The following PPFIBP2 variants were observed in gnomAD, a reference collection of about 807,000 sequenced individuals.
The protein encoded by PPFIBP2 is PPFIB scaffold protein 2, also known as liprin-beta-2.
PPFIBP2 carries 118 observed loss-of-function variants against 118.3 expected under a neutral mutation model. That is an observed-to-expected ratio of 1.00 (90% CI 0.86 to 1.16). The LOEUF (loss-of-function observed/expected upper bound fraction) is 1.16, where lower values mean the gene tolerates loss of function less well. PPFIBP2 is among the 50% of genes most tolerant of loss of function. The pLI is 0.00. For missense variants in PPFIBP2, 1,195 were observed against 1,073.1 expected, an observed-to-expected ratio of 1.11 and a Z score of -1.59; for synonymous variants, 414 against 397.4, an observed-to-expected ratio of 1.04 and a Z score of -0.50.
At chr11:7,548,261 A>G (rs558625830) in intron 1 of PPFIBP2, 1 of 152,334 alleles carries the variant, frequency 6.6e-6, no homozygotes, top group African/African-American at 2.4e-5. Flanking sequence ...CTTGGTCTTG[A>G]GATCCTTATC....
intron 16 of PPFIBP2, 178 bp from the exon 17 acceptor site, chr11:7,642,120 T>C: frequency 1.4e-6 from 1 of 696,562 alleles, no homozygotes; most frequent in Non-Finnish European, 2.3e-6. Flanking sequence ...GAATTGAGGC[T>C]TGAGTCTGGC....
intron 3 of PPFIBP2, among the ~76,000 whole-genome samples, chr11:7,585,644 C>T (rs1858022764): frequency 6.6e-6 from 1 of 152,224 alleles, no homozygotes; most frequent in African/African-American, 2.4e-5. Context: ...GGACCCCAGC[C>T]ATGGCATCAA....
intron 15 of PPFIBP2, chr11:7,641,110 G>A (rs1295124110): frequency 1.6e-6 from 2 of 1,232,388 alleles, no homozygotes; most frequent in Non-Finnish European, 2.1e-6. Context: ...GAATGCCTTT[G>A]TTTCCCTACC....
downstream of PPFIBP2, among the ~76,000 whole-genome samples, chr11:7,657,343 C>T (rs1022845537): frequency 2.3e-4 from 35 of 152,176 alleles, no homozygotes; most frequent in South Asian, 1.0e-3. Context: ...GGTAAAGCAA[C>T]GAGGCTCCTT....
At chr11:7,608,628 G>A (rs1016171694) in intron 5 of PPFIBP2, among the ~76,000 whole-genome samples, 45 of 152,014 alleles carry the variant, frequency 3.0e-4, no homozygotes, top group Admixed American at 2.8e-3. Flanking sequence ...CAAAAAGAGC[G>A]AAACGCTGTC....
chr11:7,549,639 T>C, intron 2 of PPFIBP2, 100 bp downstream of exon 2: 1 of 1,171,678 alleles, frequency 8.5e-7, no homozygotes, highest in South Asian at 1.7e-5. Context: ...ATAGAGAAAA[T>C]CCCCTTTTGT....
At chr11:7,623,850 C>G (rs2135665217) in intron 7 of PPFIBP2, among the ~76,000 whole-genome samples, 1 of 152,292 alleles carries the variant, frequency 6.6e-6, no homozygotes, top group South Asian at 2.1e-4. Context: ...AGTCCCAAAG[C>G]TAATATCTTC....
rs149640843 is a variant in PPFIBP2 at position 7,586,599 on chromosome 11, A to T, written c.280-6533A>T. Among the ~76,000 whole-genome samples, 876 of 152,326 alleles carry T rather than the reference A, an allele frequency of 5.8e-3. 12 individuals carry two copies. The highest frequency in any genetic ancestry group is 0.052 in the South Asian group (252 of 4,822). ...GTGAAGCATGATTTTTTCTATTGAA[A>T]GGATGGAAAGCCTGAGATGAGGTAA... On this transcript the variant is annotated intron_variant, in intron 3 of 23. Transcript: ENST00000299492.
intron 12 of PPFIBP2, 85 bp from the exon 13 acceptor site, chr11:7,634,410 G>C (rs779555415): frequency 2.8e-6 from 3 of 1,076,888 alleles, no homozygotes; most frequent in African/African-American, 1.5e-5. Context: ...CAAGACCATC[G>C]GTTAAGCATT....
chr11:7,639,847 C>G lies in PPFIBP2; in HGVS notation c.1352C>G (p.Thr451Arg), dbSNP rs189861226. 1 of 1,614,008 alleles carries G rather than the reference C, an allele frequency of 6.2e-7. No individual in the cohort carries two copies. The highest frequency in any genetic ancestry group is 8.5e-7 in the Non-Finnish European group (1 of 1,180,026). The change falls in exon 15 of 24, where the codon ACG (threonine) becomes AGG (arginine). Residue 451 changes from threonine to arginine, a missense_variant. Transcript: ENST00000299492. ...CCCACCATCTGCCAGCCTGACGCCA[C>G]GGGGAGCAGCCTGCTGAGGCTGAGT... ...SPPTICQPDA[T>R]GSSLLRLRDT...
intron 1 of PPFIBP2, among the ~76,000 whole-genome samples, chr11:7,519,996 T>G (rs1849597643): frequency 6.6e-6 from 1 of 152,204 alleles, no homozygotes; most frequent in Admixed American, 6.5e-5. Flanking sequence ...TGCTGTGGCC[T>G]GCTTTCCAGC....
At chr11:7,618,319 T>C (rs1848923685) in intron 6 of PPFIBP2, among the ~76,000 whole-genome samples, 1 of 152,296 alleles carries the variant, frequency 6.6e-6, no homozygotes, top group East Asian at 1.9e-4. Context: ...AGGAAAAACG[T>C]GTGTGTACTA....
chr11:7,615,293 G>A (rs1848499787), intron 6 of PPFIBP2, among the ~76,000 whole-genome samples: 1 of 148,992 alleles, frequency 6.7e-6, no homozygotes, highest in Non-Finnish European at 1.5e-5. Flanking sequence ...CCGAGATCGT[G>A]CCACTGCACT....
At chr11:7,629,009 G>A (rs12575822) in intron 9 of PPFIBP2, among the ~76,000 whole-genome samples, 2 of 152,188 alleles carry the variant, frequency 1.3e-5, no homozygotes, top group East Asian at 3.8e-4. Flanking sequence ...TGCCTTGAAA[G>A]AAACGATCTT....
At chr11:7,536,973 G>A (rs564823839) in intron 1 of PPFIBP2, among the ~76,000 whole-genome samples, 2 of 152,298 alleles carry the variant, frequency 1.3e-5, no homozygotes, top group East Asian at 3.9e-4. Context: ...TGGGCAGGTA[G>A]AAGGGACAGG....
chr11:7,538,457 T>G (rs1851438429), intron 1 of PPFIBP2: 1 of 152,732 alleles, frequency 6.5e-6, no homozygotes, highest in African/African-American at 2.4e-5. Flanking sequence ...GGAAATGCTG[T>G]TTGGGGTCAT....
At chr11:7,618,070 A>AG (rs1435945195) in intron 6 of PPFIBP2, among the ~76,000 whole-genome samples, 3 of 152,206 alleles carry the variant, frequency 2.0e-5, no homozygotes, top group Admixed American at 2.0e-4. Context: ...AGTACTACAG[A>AG]GGATACCCTG....
intron 1 of PPFIBP2, among the ~76,000 whole-genome samples, chr11:7,535,394 G>C (rs2134380859): frequency 6.6e-6 from 1 of 152,336 alleles, no homozygotes; most frequent in Non-Finnish European, 1.5e-5. Context: ...GAACCCAGGA[G>C]CAGGTCAGGC....
chr11:7,640,172 T>A (rs1851977688), intron 15 of PPFIBP2, among the ~76,000 whole-genome samples: 1 of 152,046 alleles, frequency 6.6e-6, no homozygotes, highest in South Asian at 2.1e-4. Context: ...CTCGAACTCT[T>A]TCCTGTCCTT....
Sources: allele counts gnomAD v4.1 joint callset (sites outside exome capture counted in the v4.1 genomes callset), GRCh38; gene constraint gnomAD v4.1.1; transcripts MANE v1.5; gene names NCBI Gene and HGNC (gene_info 2026-07-23, HGNC 2026-07-21).